CYREN: variants seen among roughly 807,000 people sequenced by gnomAD.
CYREN encodes the protein cell cycle regulator of non-homologous end joining.
In CYREN, 7 loss-of-function variants were observed where a neutral mutation model predicts 9.7. The observed-to-expected ratio is 0.72, with a 90% CI of 0.41 to 1.36. The LOEUF is 1.36. CYREN is among the 40% of genes most tolerant of loss of function. CYREN has a pLI of 0.01. For synonymous variants in CYREN, 76 were observed against 77.9 expected, an observed-to-expected ratio of 0.98 and a Z score of 0.13; for missense variants, 215 against 198.1, an observed-to-expected ratio of 1.09 and a Z score of -0.51.
chr7:135,122,025 G>T (rs898372778), intron 2 of CYREN, among the ~76,000 whole-genome samples: 1 of 152,214 alleles, frequency 6.6e-6, no homozygotes, highest in African/African-American at 2.4e-5. Flanking sequence ...GCTCCCCAGG[G>T]GAGGCATGAC....
At chr7:135,156,867 G>C (rs1829807538) in intron 2 of CYREN, among the ~76,000 whole-genome samples, 1 of 152,132 alleles carries the variant, frequency 6.6e-6, no homozygotes, top group Admixed American at 6.5e-5. Flanking sequence ...GGAGGTAACT[G>C]AATCATGGGG....
chr7:135,168,374 T>C (rs750608481), intron 2 of CYREN: 50 of 172,302 alleles, frequency 2.9e-4, no homozygotes, highest in Admixed American at 9.9e-4. Flanking sequence ...GCCCTGCAGC[T>C]GCTGCTCATC....
chr7:135,148,773 A>G (rs1012874210), intron 2 of CYREN, among the ~76,000 whole-genome samples: 1 of 152,254 alleles, frequency 6.6e-6, no homozygotes, highest in African/African-American at 2.4e-5. Flanking sequence ...TGCCTCAAAG[A>G]ATGGGACCTA....
intron 2 of CYREN, among the ~76,000 whole-genome samples, chr7:135,154,985 G>C (rs1161301912): frequency 6.6e-6 from 1 of 152,098 alleles, no homozygotes. Context: ...TCTTTCTTTA[G>C]TGATATTTGT....
intron 1 of CYREN, among the ~76,000 whole-genome samples, chr7:135,169,827 C>A (rs1035990852): frequency 4.6e-5 from 7 of 152,204 alleles, no homozygotes; most frequent in African/African-American, 1.7e-4. Context: ...AAAGAGTAGT[C>A]AGCGATAGTC....
chr7:135,168,133 C>T (rs1039124018), intron 2 of CYREN: 3 of 348,104 alleles, frequency 8.6e-6, no homozygotes, highest in African/African-American at 6.4e-5. Flanking sequence ...TGAGGCTGTA[C>T]TGAGAGGAAC....
At position 135,167,886 on chromosome 7, in the gene CYREN, C is replaced by G. The variant is rs1291408792; in HGVS notation, c.138-79G>C. The G allele has an allele frequency of 7.5e-6, 12 of 1,598,272 alleles. No individual in the cohort carries two copies. The South Asian group carries it at 1.2e-4, about 16-fold the overall frequency. ...GGCAAAGAGAACAGGAGAAGCAGGG[C>G]CTCTTCCCCCTGCCTTCCTACCACG... On this transcript the variant is annotated intron_variant, in intron 2 of 3. Coordinates refer to ENST00000393114, the MANE Select transcript of CYREN (RefSeq NM_024033.4).
chr7:135,123,786 C>A (rs192479712), intron 2 of CYREN, among the ~76,000 whole-genome samples: 6 of 152,040 alleles, frequency 3.9e-5, no homozygotes, highest in African/African-American at 1.4e-4. Flanking sequence ...TCATATGTGG[C>A]CAAACTAATC....
In CYREN at chr7:135,114,106, A is replaced by T. The variant is rs113460737; in HGVS notation, n.357-19524T>A. On this transcript the variant is annotated intron_variant and non_coding_transcript_variant, in intron 2 of 2. Transcript: ENST00000459937. ...ATTTTGTTAATCCATTCATCAATGA[A>T]CACGTGTGTTGCTTACACTGTTGGC... Among the ~76,000 whole-genome samples, 197 of 72,604 alleles carry T rather than the reference A, an allele frequency of 2.7e-3. 3 individuals are homozygous for T. Among genetic ancestry groups the T allele is most frequent in the African/African-American group, 0.011 (195 of 17,934 alleles). The allele number at this position is 72,604 out of a possible 152,430, so 47.6% of individuals were successfully genotyped here.
chr7:135,100,204 A>C (rs576079929), intron 2 of CYREN: 3 of 152,180 alleles, frequency 2.0e-5, no homozygotes, highest in Non-Finnish European at 4.4e-5. Context: ...AAAAAAAAAA[A>C]AAACACTGGT....
intron 2 of CYREN, among the ~76,000 whole-genome samples, chr7:135,123,265 C>T (rs576248390): frequency 6.6e-6 from 1 of 152,102 alleles, no homozygotes; most frequent in South Asian, 2.1e-4. Flanking sequence ...TATCAATAGC[C>T]GAATCGACCA....
At chr7:135,130,499 T>C (rs1481337561) in intron 2 of CYREN, among the ~76,000 whole-genome samples, 1 of 152,086 alleles carries the variant, frequency 6.6e-6, no homozygotes, top group African/African-American at 2.4e-5. Context: ...TTCTCTCTCT[T>C]TACCTTTGCC....
intron 2 of CYREN, among the ~76,000 whole-genome samples, chr7:135,119,872 G>A (rs748006443): frequency 9.9e-5 from 15 of 151,782 alleles, no homozygotes; most frequent in Non-Finnish European, 1.3e-4. Context: ...GCGAGACTCC[G>A]TCTCAAAAAA....
In CYREN at chr7:135,169,003, CTCG is replaced by C. The variant is rs1830449316; in HGVS notation, c.-84_-82del. ...AATTCAGGAAGGTAAATCTCGTTCT[CTCG>C]TCACACCCGGAATTACAGGTCCATT... is the stretch of plus-strand genomic sequence containing the variant. On this transcript the variant is annotated 5_prime_UTR_variant, in exon 2 of 4. Transcript: ENST00000393114. 1.5e-6 allele frequency: 2 copies of C among 1,339,458 alleles called. No individual in the cohort carries two copies. Among genetic ancestry groups the C allele is most frequent in the Admixed American group, 2.8e-5 (1 of 36,348 alleles). 83.0% of individuals were successfully genotyped at this position (1,339,458 alleles called of 1,614,324 possible).
chr7:135,156,142 T>C (rs911022078), intron 2 of CYREN, among the ~76,000 whole-genome samples: 1 of 152,308 alleles, frequency 6.6e-6, no homozygotes, highest in East Asian at 1.9e-4. Context: ...GGATTTCCTT[T>C]ATAGGTGACT....
chr7:135,118,926 TC>T (rs1826717466), intron 2 of CYREN, among the ~76,000 whole-genome samples: 2 of 151,226 alleles, frequency 1.3e-5, no homozygotes, highest in African/African-American at 4.9e-5. Context: ...GAGGAAAGAG[TC>T]AGTGAATTGA....
chr7:135,166,846 T>C lies in CYREN; in HGVS notation c.239A>G (p.Glu80Gly). ...IESRKQEKAC[E>G]QPALAGADNP... ...ATCAGCCCCCGCCAGGGCCGGCTGC[T>C]CGCAGGCCTTTTCCTGTTTGCGGCT... Residue 80 changes from glutamate to glycine, a missense_variant, in exon 4 of 4, where the codon GAG becomes GGG. Physicochemically the swap from Glu to Gly is moderately conservative, Grantham distance 98 (BLOSUM62 -2). Transcript: ENST00000393114. 5 of 1,613,992 alleles carry C rather than the reference T, an allele frequency of 3.1e-6. No individual in the cohort carries two copies. Among genetic ancestry groups the C allele is most frequent in the Non-Finnish European group, 4.2e-6 (5 of 1,179,872 alleles).
chr7:135,164,191 T>C (rs576763431), downstream of CYREN, among the ~76,000 whole-genome samples: 16 of 152,348 alleles, frequency 1.1e-4, no homozygotes, highest in South Asian at 3.3e-3. Flanking sequence ...CAAAGCTGCT[T>C]GGGAGAGACT....
chr7:135,120,237 A>G (rs1194158456), intron 2 of CYREN, among the ~76,000 whole-genome samples: 1 of 152,222 alleles, frequency 6.6e-6, no homozygotes, highest in African/African-American at 2.4e-5. Context: ...AAATTTTTCT[A>G]AATCATATTT....
Sources: gnomAD v4.1 joint callset for allele counts (sites outside exome capture counted in the v4.1 genomes callset) on GRCh38, gnomAD v4.1.1 for gene constraint, MANE v1.5 for transcripts, NCBI Gene and HGNC (gene_info 2026-07-23, HGNC 2026-07-21) for gene names.